Variants in ROBO2 observed in about 807,000 individuals in gnomAD.
The protein encoded by ROBO2 is roundabout homolog 2.
A neutral mutation model predicts 160.8 loss-of-function variants in ROBO2; 53 were observed. The ratio of observed to expected loss-of-function variants is 0.33; its 90% CI spans 0.26 to 0.41. The LOEUF is 0.41. Ranked by LOEUF, ROBO2 falls within the 10% of genes least tolerant of loss-of-function variation. ROBO2 has a pLI of 1.00. For synonymous variants in ROBO2, 664 were observed against 611.7 expected (o/e 1.09, Z -1.26); for missense variants, 1,577 against 1,722.4 (o/e 0.92, Z 1.49).
At chr3:77,619,030 A>G (rs2094843381) in intron 22 of ROBO2, among the ~76,000 whole-genome samples, 1 of 152,138 alleles carries the variant, frequency 6.6e-6, no homozygotes, top group Non-Finnish European at 1.5e-5. Context: ...CCATTTGGAT[A>G]ACCTTAAAAT....
intron 2 of ROBO2, among the ~76,000 whole-genome samples, chr3:76,126,400 T>C (rs1020404617): frequency 3.3e-5 from 5 of 152,156 alleles, no homozygotes; most frequent in Non-Finnish European, 5.9e-5. Flanking sequence ...CGGTTGGACC[T>C]GATAGCATAA....
chr3:77,388,042 C>A (rs1042315799), intron 2 of ROBO2, among the ~76,000 whole-genome samples: 1 of 151,950 alleles, frequency 6.6e-6, no homozygotes, highest in Non-Finnish European at 1.5e-5. Context: ...CTTGTCCCAC[C>A]ATTTACCCCT....
chr3:76,893,587 A>G (rs1009470741), intron 2 of ROBO2, among the ~76,000 whole-genome samples: 4 of 152,056 alleles, frequency 2.6e-5, no homozygotes, highest in Admixed American at 2.6e-4. Flanking sequence ...ATATTTTGTT[A>G]CATGCATAAT....
chr3:77,155,535 A>G (rs894538781), intron 2 of ROBO2, among the ~76,000 whole-genome samples: 5 of 152,010 alleles, frequency 3.3e-5, no homozygotes, highest in African/African-American at 9.7e-5. Context: ...CCCGTAAACA[A>G]CATGATCTTA....
chr3:76,364,623 G>C (rs1183230093), intron 2 of ROBO2, among the ~76,000 whole-genome samples: 1 of 151,780 alleles, frequency 6.6e-6, no homozygotes, highest in Non-Finnish European at 1.5e-5. Context: ...TATTATTCTT[G>C]TTATAGTGAG....
intron 2 of ROBO2, among the ~76,000 whole-genome samples, chr3:76,535,698 G>A (rs2082459228): frequency 6.6e-6 from 1 of 152,124 alleles, no homozygotes; most frequent in Non-Finnish European, 1.5e-5. Context: ...TGACACCAGA[G>A]TGGGGGAGTT....
At chr3:76,643,030 C>A (rs1308716360) in intron 2 of ROBO2, among the ~76,000 whole-genome samples, 1 of 152,130 alleles carries the variant, frequency 6.6e-6, no homozygotes, top group Non-Finnish European at 1.5e-5. Flanking sequence ...TGGCTGTGGT[C>A]TGGCTCTGAA....
chr3:76,240,492 G>T (rs1195611065), intron 2 of ROBO2, among the ~76,000 whole-genome samples: 4 of 152,272 alleles, frequency 2.6e-5, no homozygotes, highest in Non-Finnish European at 2.9e-5. Flanking sequence ...TAAATTATTT[G>T]AAGGGTGTGA....
At chr3:76,889,403 A>C (rs572099423) in intron 2 of ROBO2, among the ~76,000 whole-genome samples, 1 of 152,358 alleles carries the variant, frequency 6.6e-6, no homozygotes, top group South Asian at 2.1e-4. Flanking sequence ...GATATTAGAA[A>C]AATCATAGAT....
intron 2 of ROBO2, among the ~76,000 whole-genome samples, chr3:76,217,597 C>T (rs1451384453): frequency 6.6e-6 from 1 of 152,170 alleles, no homozygotes; most frequent in Non-Finnish European, 1.5e-5. Context: ...CATACACTCT[C>T]CCAAGACTAA....
chr3:76,413,118 A>G (rs2075580920), intron 2 of ROBO2, among the ~76,000 whole-genome samples: 1 of 152,212 alleles, frequency 6.6e-6, no homozygotes, highest in South Asian at 2.1e-4. Flanking sequence ...GGCCCCTTTC[A>G]GCATGGCTGG....
At chr3:76,644,483 C>T (rs1162819395) in intron 2 of ROBO2, among the ~76,000 whole-genome samples, 2 of 152,142 alleles carry the variant, frequency 1.3e-5, no homozygotes, top group African/African-American at 4.8e-5. Flanking sequence ...TTTCAGTGTA[C>T]CTTGCCCTCC....
At chr3:76,746,427 T>G (rs1207329866) in intron 2 of ROBO2, among the ~76,000 whole-genome samples, 1 of 152,058 alleles carries the variant, frequency 6.6e-6, no homozygotes, top group Non-Finnish European at 1.5e-5. Context: ...CCACAATGGT[T>G]GAACTAGTTT....
intron 2 of ROBO2, among the ~76,000 whole-genome samples, chr3:76,057,781 T>G (rs189424744): frequency 1.1e-4 from 14 of 126,446 alleles, no homozygotes; most frequent in Middle Eastern, 4.3e-3. Context: ...ATTCAATTGG[T>G]TTTTTTTTGT....
intron 2 of ROBO2, among the ~76,000 whole-genome samples, chr3:76,255,205 C>G (rs1043999142): frequency 6.6e-6 from 1 of 152,060 alleles, no homozygotes; most frequent in Non-Finnish European, 1.5e-5. Context: ...TGATACAGGG[C>G]TTACGTTCAT....
In ROBO2 at chr3:76,589,336, G is replaced by A. The variant is rs1024184876; in HGVS notation, c.110-508678G>A. On this transcript the variant is annotated intron_variant, in intron 2 of 26. Transcript: ENST00000487694. ...TGTTTTTGAGACGGCGTCTGGCGCT[G>A]TCACCCAGGCTGGAGTGCAGTGGCG... Among the ~76,000 whole-genome samples, 13 of 152,108 alleles carry A rather than the reference G, an allele frequency of 8.5e-5. No individual in the cohort carries two copies. The East Asian group carries it at 1.4e-3, about 16-fold the overall frequency.
chr3:76,507,181 A>G (rs911939339), intron 2 of ROBO2, among the ~76,000 whole-genome samples: 5 of 152,136 alleles, frequency 3.3e-5, no homozygotes, highest in African/African-American at 1.2e-4. Flanking sequence ...AGGTACTTAA[A>G]TATTTTATAT....
intron 2 of ROBO2, among the ~76,000 whole-genome samples, chr3:76,116,362 A>T (rs1185886477): frequency 6.6e-6 from 1 of 152,176 alleles, no homozygotes; most frequent in Non-Finnish European, 1.5e-5. Context: ...CGGAATCCTC[A>T]GTCAGACGTA....
At chr3:77,040,804 A>G in exon 1 of ROBO2, 1 of 1,614,086 alleles carries the variant, frequency 6.2e-7, no homozygotes, top group Non-Finnish European at 8.5e-7. Context: ...GCTGATGTTT[A>G]CACAACTACT....
Sources: gnomAD v4.1 joint callset for allele counts (sites outside exome capture counted in the v4.1 genomes callset) on GRCh38, gnomAD v4.1.1 for gene constraint, MANE v1.5 for transcripts, NCBI Gene and HGNC (gene_info 2026-07-23, HGNC 2026-07-21) for gene names.